TRDN: variants seen among roughly 807,000 people sequenced by gnomAD.
The protein encoded by TRDN is triadin.
A neutral mutation model predicts 149.7 loss-of-function variants in TRDN; 161 were observed. The observed-to-expected ratio is 1.08, with a 90% CI of 0.95 to 1.23. TRDN has a LOEUF of 1.23. TRDN is among the 50% of genes most tolerant of loss of function. The pLI, the probability that TRDN is intolerant of heterozygous loss-of-function variation, is 0.00. For synonymous variants in TRDN, 294 were observed against 250.5 expected, an observed-to-expected ratio of 1.17 and a Z score of -1.64; for missense variants, 896 against 823.5, an observed-to-expected ratio of 1.09 and a Z score of -1.08.
intron 2 of TRDN, among the ~76,000 whole-genome samples, chr6:123,563,423 AC>A (rs1165557890): frequency 1.3e-5 from 2 of 152,318 alleles, no homozygotes; most frequent in Middle Eastern, 3.4e-3. Context: ...ATCATATTGT[AC>A]TTTTATTAAT....
At chr6:123,275,015 T>A (rs77422602) in intron 26 of TRDN, among the ~76,000 whole-genome samples, 1 of 152,178 alleles carries the variant, frequency 6.6e-6, no homozygotes, top group Admixed American at 6.6e-5. Flanking sequence ...AAGATGATTA[T>A]TGCAGAAAAT....
intron 20 of TRDN, among the ~76,000 whole-genome samples, chr6:123,360,098 GT>G (rs1780841468): frequency 1.3e-5 from 2 of 152,244 alleles, no homozygotes; most frequent in South Asian, 4.1e-4. Flanking sequence ...TGCCATGGTG[GT>G]TTGCTGTACC....
intron 12 of TRDN, among the ~76,000 whole-genome samples, chr6:123,402,373 G>A (rs1445411962): frequency 6.6e-6 from 1 of 152,054 alleles, no homozygotes; most frequent in Non-Finnish European, 1.5e-5. Context: ...CTTCAGTTTG[G>A]GCTATAACAG....
intron 1 of TRDN, among the ~76,000 whole-genome samples, chr6:123,626,978 G>GA (rs1239070143): frequency 6.6e-6 from 1 of 151,094 alleles, no homozygotes; most frequent in Non-Finnish European, 1.5e-5. Flanking sequence ...CCCCAGGCTG[G>GA]AGTGCAGTGG....
At chr6:123,522,715 G>A (rs1246604649) in intron 5 of TRDN, among the ~76,000 whole-genome samples, 2 of 152,088 alleles carry the variant, frequency 1.3e-5, no homozygotes, top group Non-Finnish European at 2.9e-5. Flanking sequence ...TAAATGGAAA[G>A]TTGTCTGTAG....
At chr6:123,458,453 A>C (rs575921624) in intron 10 of TRDN, among the ~76,000 whole-genome samples, 9 of 152,300 alleles carry the variant, frequency 5.9e-5, no homozygotes, top group African/African-American at 2.2e-4. Context: ...AAAAGACTGA[A>C]GTCCCCCAAG....
intron 38 of TRDN, among the ~76,000 whole-genome samples, chr6:123,227,156 T>C (rs1775407261): frequency 6.6e-6 from 1 of 151,720 alleles, no homozygotes; most frequent in Non-Finnish European, 1.5e-5. Flanking sequence ...TTGGTAGAAA[T>C]AAATAAGACT....
At chr6:123,563,132 T>C (rs1782090846) in intron 2 of TRDN, among the ~76,000 whole-genome samples, 1 of 152,234 alleles carries the variant, frequency 6.6e-6, no homozygotes, top group Non-Finnish European at 1.5e-5. Flanking sequence ...TTTATGGCAA[T>C]GTAAAACTAA....
intron 23 of TRDN, among the ~76,000 whole-genome samples, chr6:123,325,722 G>A (rs1264405940): frequency 6.6e-6 from 1 of 151,992 alleles, no homozygotes; most frequent in Admixed American, 6.6e-5. Flanking sequence ...AATATTTATG[G>A]TCTCTAGATG....
At chr6:123,251,414 A>G (rs112419333) in intron 38 of TRDN, among the ~76,000 whole-genome samples, 5 of 152,108 alleles carry the variant, frequency 3.3e-5, no homozygotes, top group African/African-American at 9.6e-5. Flanking sequence ...CAAAATCTCA[A>G]TACAAAAAAA....
chr6:123,554,490 T>C (rs1781550340), intron 2 of TRDN, among the ~76,000 whole-genome samples: 1 of 152,202 alleles, frequency 6.6e-6, no homozygotes, highest in Admixed American at 6.5e-5. Flanking sequence ...TGTAAATATG[T>C]ATATGAATAT....
rs376719989 is a variant in TRDN at position 123,227,148 on chromosome 6, G to C, written c.1976-3017C>G. ...CAAATAATGTTTTAGAGATGTACTTGGTAGAAATAAATAAGACTAGAGCAT... is the reference window on the plus strand; with the variant it reads ...CAAATAATGTTTTAGAGATGTACTTCGTAGAAATAAATAAGACTAGAGCAT... On this transcript the variant is annotated intron_variant, in intron 38 of 40. Transcript: ENST00000334268. 7.9e-5 allele frequency among the ~76,000 whole-genome samples: 12 copies of C among 151,856 alleles called. No individual in the cohort carries two copies. The East Asian group carries it at 2.1e-3, about 27-fold the overall frequency.
At chr6:123,518,922 G>A (rs1779539442) in intron 5 of TRDN, among the ~76,000 whole-genome samples, 2 of 152,120 alleles carry the variant, frequency 1.3e-5, no homozygotes, top group African/African-American at 4.8e-5. Context: ...ACACAGCAAT[G>A]CAACAATCAG....
At chr6:123,316,530 A>C in intron 23 of TRDN, 35 bp from the exon 24 acceptor site, 2 of 1,590,926 alleles carry the variant, frequency 1.3e-6, no homozygotes, top group Non-Finnish European at 1.7e-6. Context: ...ACGTACAAAC[A>C]AAAGGGAAAA....
intron 12 of TRDN, among the ~76,000 whole-genome samples, chr6:123,434,646 A>C (rs1056799964): frequency 6.6e-6 from 1 of 152,178 alleles, no homozygotes. Context: ...CTAGCACTGA[A>C]GTCTAATACA....
At chr6:123,339,528 G>A (rs764228049) in intron 21 of TRDN, among the ~76,000 whole-genome samples, 18 of 152,264 alleles carry the variant, frequency 1.2e-4, no homozygotes, top group African/African-American at 4.1e-4. Context: ...GGAAAAAACA[G>A]GTGAAGTGCA....
chr6:123,319,987 A>C (rs1027958398), intron 23 of TRDN, among the ~76,000 whole-genome samples: 5 of 151,992 alleles, frequency 3.3e-5, no homozygotes, highest in Admixed American at 6.6e-5. Flanking sequence ...GTGGAGACAA[A>C]CTCTGTTTAG....
chr6:123,577,347 A>G (rs1782909852), intron 1 of TRDN, among the ~76,000 whole-genome samples: 1 of 152,014 alleles, frequency 6.6e-6, no homozygotes, highest in African/African-American at 2.4e-5. Flanking sequence ...CCTTCTTTGC[A>G]TTCATGAGTT....
In TRDN at chr6:123,618,065, T is replaced by G. The variant is rs563087901; in HGVS notation, c.22+18689A>C. 6.6e-5 allele frequency among the ~76,000 whole-genome samples: 10 copies of G among 152,258 alleles called. No homozygotes were observed. The South Asian group carries it at 1.9e-3, about 28-fold the overall frequency. Reference sequence around the variant, plus strand: ...GAAAAATAAATTTGCCATTCTCCTATGCTAATTTTATATGAGCCCTCTAAA... The same window carrying G: ...GAAAAATAAATTTGCCATTCTCCTAGGCTAATTTTATATGAGCCCTCTAAA... On this transcript the variant is annotated intron_variant, in intron 1 of 40. Transcript: ENST00000334268.
Sources: allele counts gnomAD v4.1 joint callset (sites outside exome capture counted in the v4.1 genomes callset), GRCh38; gene constraint gnomAD v4.1.1; transcripts MANE v1.5; gene names NCBI Gene and HGNC (gene_info 2026-07-23, HGNC 2026-07-21).